ASMTL: variants seen among roughly 807,000 people sequenced by gnomAD.
ASMTL encodes the protein probable bifunctional dTTP/UTP pyrophosphatase/methyltransferase protein.
ASMTL carries 57 observed loss-of-function variants against 60.3 expected under a neutral mutation model. The observed-to-expected ratio is 0.95, with a 90% CI of 0.76 to 1.18. The LOEUF (loss-of-function observed/expected upper bound fraction) is 1.18. Among genes scored for constraint, ASMTL ranks in the 50% most tolerant of loss-of-function variants. The pLI is 0.00. For missense variants in ASMTL, 981 were observed against 852.6 expected, an observed-to-expected ratio of 1.15 and a Z score of -1.88; for synonymous variants, 419 against 373.0, an observed-to-expected ratio of 1.12 and a Z score of -1.42.
chrX:1,436,175 G>A (rs1276311193), intron 3 of ASMTL, among the ~76,000 whole-genome samples: 7 of 152,102 alleles, frequency 4.6e-5, no homozygotes, highest in African/African-American at 1.7e-4. Context: ...TCACAGCCTC[G>A]TTCCTTTCCT....
Position 1,447,174 on chromosome X carries a change from C to T in ASMTL, c.94-4857G>A, listed in dbSNP as rs1288717807. 1.1e-4 allele frequency among the ~76,000 whole-genome samples: 17 copies of T among 152,186 alleles called. 1 individual carries two copies. The highest frequency in any genetic ancestry group is 1.1e-3 in the Admixed American group (17 of 15,278). On this transcript the variant is annotated intron_variant, in intron 1 of 12. Coordinates refer to ENST00000381317, the MANE Select transcript of ASMTL (RefSeq NM_004192.4). ...GCTGTGTTTGGTGACCCGTAATAAC[C>T]ACCTCCCTCAGCAGGAAGTGGCCAG...
At chrX:1,407,015 G>T (rs2089880533) in intron 12 of ASMTL, among the ~76,000 whole-genome samples, 1 of 150,548 alleles carries the variant, frequency 6.6e-6, no homozygotes. Context: ...TGGATGGATG[G>T]GTGAATAGAT....
At position 1,416,336 on chromosome X, in the gene ASMTL, CATACAG is replaced by C. The variant is rs1287037105; in HGVS notation, c.1522+1631_1522+1636del. 6.9e-3 allele frequency among the ~76,000 whole-genome samples: 125 copies of C among 18,110 alleles called. 1 individual carries two copies. Among genetic ancestry groups the C allele is most frequent in the Non-Finnish European group, 0.024 (53 of 2,174 alleles). The allele number at this position is 18,110 out of a possible 152,430, so 11.9% of individuals were successfully genotyped here. On this transcript the variant is annotated intron_variant, in intron 11 of 12. Transcript: ENST00000381317. ...ACAGCTGGACACACACACACACGGA[CATACAG>C]ATACAGTGACAGGCACACACAGACG...
At chrX:1,419,872 C>T (rs1411139962) in intron 9 of ASMTL, among the ~76,000 whole-genome samples, 1 of 152,206 alleles carries the variant, frequency 6.6e-6, no homozygotes, top group Non-Finnish European at 1.5e-5. Context: ...GCTCAGGGCC[C>T]CTGTCCGTGC....
chrX:1,431,312 A>G (rs1310259070), intron 6 of ASMTL, among the ~76,000 whole-genome samples: 1 of 131,360 alleles, frequency 7.6e-6, no homozygotes, highest in East Asian at 2.2e-4. Flanking sequence ...ATATAAAATT[A>G]TATATTTTAT....
intron 8 of ASMTL, among the ~76,000 whole-genome samples, chrX:1,422,203 G>A (rs1301371323): frequency 6.6e-6 from 1 of 152,106 alleles, no homozygotes; most frequent in Non-Finnish European, 1.5e-5. Context: ...GGCTGTGGAG[G>A]TGTGCTGTAG....
At chrX:1,432,474 G>T in intron 5 of ASMTL, 97 bp from the exon 6 acceptor site, 1 of 857,238 alleles carries the variant, frequency 1.2e-6, no homozygotes, top group Non-Finnish European at 2.0e-6. Flanking sequence ...GTGTACTCGA[G>T]CGCAGCGCAC....
intron 2 of ASMTL, among the ~76,000 whole-genome samples, chrX:1,440,199 G>GC (rs1569534514): frequency 6.6e-6 from 1 of 151,264 alleles, no homozygotes; most frequent in Non-Finnish European, 1.5e-5. Flanking sequence ...CCATTCTCCC[G>GC]CCTCAGCCTC....
At chrX:1,414,715 ATAAAT>A (rs1411517621) in intron 11 of ASMTL, among the ~76,000 whole-genome samples, 1 of 151,990 alleles carries the variant, frequency 6.6e-6, no homozygotes, top group East Asian at 1.9e-4. Context: ...TCAAACATAA[ATAAAT>A]TTCAGCATTT....
chrX:1,447,019 G>C (rs1257192208), intron 1 of ASMTL, among the ~76,000 whole-genome samples: 1 of 151,964 alleles, frequency 6.6e-6, no homozygotes. Context: ...TTTCCTAACT[G>C]AAAACCTCTG....
At position 1,434,933 on chromosome X, in the gene ASMTL, G is replaced by T; in HGVS notation, c.400+89C>A. 5 of 1,442,784 alleles carry T rather than the reference G, an allele frequency of 3.5e-6. No individual in the cohort carries two copies. The South Asian group carries it at 3.5e-5, about 10-fold the overall frequency. The allele number at this position is 1,442,784 out of a possible 1,614,324, so 89.4% of individuals were successfully genotyped here. Reference sequence around the variant, plus strand: ...CCTCCACAGGTGGGGGTGAGCAACCGTCCTCCTCCCTCAAGCCAAGGGTCC... The same window carrying T: ...CCTCCACAGGTGGGGGTGAGCAACCTTCCTCCTCCCTCAAGCCAAGGGTCC... On this transcript the variant is annotated intron_variant, in intron 5 of 12. Coordinates refer to ENST00000381317, the MANE Select transcript of ASMTL (RefSeq NM_004192.4).
chrX:1,448,630 C>G (rs1484655184), intron 1 of ASMTL, among the ~76,000 whole-genome samples: 4 of 150,988 alleles, frequency 2.6e-5, no homozygotes, highest in Non-Finnish European at 4.4e-5. Context: ...CCATCTTGGA[C>G]ACACACCGCC....
At chrX:1,417,568 A>G (rs1407273164) in intron 11 of ASMTL, among the ~76,000 whole-genome samples, 1 of 74,200 alleles carries the variant, frequency 1.3e-5, no homozygotes, top group Non-Finnish European at 3.0e-5. Context: ...CGACAGTCAT[A>G]TGCACACAGA....
At chrX:1,416,854 G>C (rs5949023) in intron 11 of ASMTL, among the ~76,000 whole-genome samples, 102,054 of 149,688 alleles carry the variant, frequency 0.68, 34,905 homozygotes, top group South Asian at 0.84. Context: ...TGCACACACA[G>C]ACATGTACAC....
At chrX:1,434,529 TGCAGTA>T (rs1243541238) in intron 5 of ASMTL, among the ~76,000 whole-genome samples, 46 of 141,204 alleles carry the variant, frequency 3.3e-4, no homozygotes, top group Admixed American at 2.6e-3. Context: ...AAAGGCCGGG[TGCAGTA>T]GCTCACACCT....
chrX:1,412,856 T>A lies in ASMTL; in HGVS notation c.1523-2A>T. On this transcript the variant is annotated splice_acceptor_variant, in intron 11 of 12. Transcript: ENST00000381317. LOFTEE classifies it high-confidence loss of function. ...GGAGGGGGTCCCTGAAAAAGTCACCTGGTTTAAAGACAAAACGAGATACGT... is the reference window on the plus strand; with the variant it reads ...GGAGGGGGTCCCTGAAAAAGTCACCAGGTTTAAAGACAAAACGAGATACGT... 6.2e-7 allele frequency: 1 copy of A among 1,613,854 alleles called. No individual in the cohort carries two copies. The highest frequency in any genetic ancestry group is 8.5e-7 in the Non-Finnish European group (1 of 1,179,806).
intron 10 of ASMTL, 163 bp from the exon 11 acceptor site, chrX:1,418,279 A>C: frequency 3.2e-6 from 1 of 314,128 alleles, no homozygotes; most frequent in Non-Finnish European, 4.6e-6. Context: ...CCCAGACAAG[A>C]CTGTACAAGC....
intron 12 of ASMTL, among the ~76,000 whole-genome samples, chrX:1,404,463 T>C (rs2089725441): frequency 8.2e-6 from 1 of 122,548 alleles, no homozygotes; most frequent in South Asian, 2.6e-4. Flanking sequence ...GATGGGTAGG[T>C]AGGTAGATAG....
rs1236188065 is a variant in ASMTL at position 1,403,292 on chromosome X, A to C, written c.1843T>G (p.Leu615Val). Residue 615 changes from leucine (L) to valine (V), a missense_variant, in exon 13 of 13, where the codon TTG (leucine) becomes GTG (valine). By Grantham distance (32) the Leu-to-Val change is conservative (BLOSUM62 1). Transcript: ENST00000381317. ...CTTCAGGGGGCCACTTTGGTGGCCA[A>C]GATGGCATCCAGGACACCCCCCAAG... is the stretch of plus-strand genomic sequence containing the variant. ...VHLGGVLDAI[L>V]ATKVAP 1 of 1,613,006 alleles carries C rather than the reference A, an allele frequency of 6.2e-7. No homozygotes were observed. The highest frequency in any genetic ancestry group is 8.5e-7 in the Non-Finnish European group (1 of 1,179,826).
Sources: allele counts gnomAD v4.1 joint callset (sites outside exome capture counted in the v4.1 genomes callset), GRCh38; gene constraint gnomAD v4.1.1; transcripts MANE v1.5; gene names NCBI Gene and HGNC (gene_info 2026-07-23, HGNC 2026-07-21).